Variants in EIF4G3 observed in about 807,000 individuals in gnomAD.
The protein encoded by EIF4G3 is eIF-4-gamma 3.
In EIF4G3, 34 loss-of-function variants were observed where a neutral mutation model predicts 186.4. The observed-to-expected ratio is 0.18, with a 90% CI of 0.14 to 0.24. The LOEUF is 0.24. Ranked by LOEUF, EIF4G3 falls within the 10% of genes least tolerant of loss-of-function variation. The probability of loss-of-function intolerance (pLI) is 1.00; values close to 1 mark genes in which losing one functional copy is unlikely to be tolerated. For synonymous variants in EIF4G3, 673 were observed against 679.5 expected, an observed-to-expected ratio of 0.99 and a Z score of 0.15; for missense variants, 1,536 against 1,948.5, an observed-to-expected ratio of 0.79 and a Z score of 3.99.
chr1:21,018,998 AT>A (rs1269032076), intron 4 of EIF4G3, among the ~76,000 whole-genome samples: 4 of 151,918 alleles, frequency 2.6e-5, no homozygotes, highest in Non-Finnish European at 5.9e-5. Context: ...AAGATGGTAA[AT>A]TTTGTGTATT....
intron 18 of EIF4G3, among the ~76,000 whole-genome samples, chr1:20,891,641 G>T (rs943598143): frequency 6.9e-6 from 1 of 145,086 alleles, no homozygotes; most frequent in Non-Finnish European, 1.5e-5. Context: ...AAAAAAATTA[G>T]CTGGGCGTGG....
chr1:20,882,806 A>T (rs998538874), intron 19 of EIF4G3, among the ~76,000 whole-genome samples: 5 of 151,756 alleles, frequency 3.3e-5, no homozygotes, highest in Non-Finnish European at 5.9e-5. Context: ...CAAAAAAAAA[A>T]AGCCTGGGCA....
Position 21,002,868 on chromosome 1 carries a change from G to A in EIF4G3, c.-66-60C>T, listed in dbSNP as rs2083896296. ...GAAAAAATATGGCATGGCAATTCTAGTTCAAGATGTTTTATAAAAGTTTAC... is the reference window on the plus strand; with the variant it reads ...GAAAAAATATGGCATGGCAATTCTAATTCAAGATGTTTTATAAAAGTTTAC... On this transcript the variant is annotated intron_variant, in intron 4 of 36. Transcript: ENST00000602326. 6.4e-6 allele frequency: 6 copies of A among 941,886 alleles called. No individual in the cohort carries two copies. The Admixed American group carries it at 1.3e-4, about 21-fold the overall frequency. The allele number at this position is 941,886 out of a possible 1,614,324, so 58.3% of individuals were successfully genotyped here.
chr1:21,131,239 CAAAA>C (rs33913086), intron 2 of EIF4G3, among the ~76,000 whole-genome samples: 1 of 114,134 alleles, frequency 8.8e-6, no homozygotes. Context: ...GATTCTGCCT[CAAAA>C]AAAAAAAAAA....
intron 12 of EIF4G3, among the ~76,000 whole-genome samples, chr1:20,951,793 G>T (rs1197558308): frequency 3.3e-5 from 5 of 151,958 alleles, no homozygotes; most frequent in Non-Finnish European, 7.4e-5. Context: ...TCACAAAAAT[G>T]ACATTCAAAG....
intron 15 of EIF4G3, among the ~76,000 whole-genome samples, chr1:20,900,532 GAGAGA>G (rs2089950525): frequency 6.7e-6 from 1 of 149,992 alleles, no homozygotes; most frequent in South Asian, 2.1e-4. Flanking sequence ...AAAAGAGAGA[GAGAGA>G]AAAAAAAAAG....
At chr1:21,122,921 G>C (rs1461948722) in intron 2 of EIF4G3, among the ~76,000 whole-genome samples, 2 of 152,076 alleles carry the variant, frequency 1.3e-5, no homozygotes, top group Admixed American at 6.6e-5. Context: ...CTAGAGAAAA[G>C]TTAAAATAAT....
At chr1:21,021,436 C>T (rs1412701527) in intron 4 of EIF4G3, among the ~76,000 whole-genome samples, 3 of 152,180 alleles carry the variant, frequency 2.0e-5, no homozygotes, top group Non-Finnish European at 2.9e-5. Context: ...AGACAATGAG[C>T]AGATTATGAT....
intron 34 of EIF4G3, among the ~76,000 whole-genome samples, chr1:20,814,756 TCCCCCTCCCCCTCCCCCTC>T (rs2060038091): frequency 2.1e-4 from 5 of 23,682 alleles, no homozygotes; most frequent in African/African-American, 8.9e-4. Flanking sequence ...CATCTCCCCC[TCCCCCTCCCCCTCCCCCTC>T]CCCCTCCCCC....
At chr1:20,970,373 G>C (rs573763977) in intron 11 of EIF4G3, among the ~76,000 whole-genome samples, 1 of 152,160 alleles carries the variant, frequency 6.6e-6, no homozygotes, top group African/African-American at 2.4e-5. Context: ...CAGCACTTTG[G>C]GAGGCTGAGG....
intron 2 of EIF4G3, among the ~76,000 whole-genome samples, chr1:21,096,312 C>T (rs1189150804): frequency 6.6e-6 from 1 of 152,152 alleles, no homozygotes; most frequent in African/African-American, 2.4e-5. Context: ...CATGTTCTCA[C>T]TTACTGTTGA....
intron 2 of EIF4G3, among the ~76,000 whole-genome samples, chr1:21,102,840 A>G (rs1167780526): frequency 6.6e-6 from 1 of 152,234 alleles, no homozygotes; most frequent in African/African-American, 2.4e-5. Flanking sequence ...GTAATAACTT[A>G]AAAATTAAAA....
At chr1:21,171,506 C>T (rs2097968573) in intron 2 of EIF4G3, among the ~76,000 whole-genome samples, 1 of 152,090 alleles carries the variant, frequency 6.6e-6, no homozygotes, top group African/African-American at 2.4e-5. Context: ...ATTAACAAGC[C>T]AAAAACCAGA....
chr1:20,872,936 C>CATGTTG (rs538477203), intron 20 of EIF4G3, among the ~76,000 whole-genome samples: 99 of 152,158 alleles, frequency 6.5e-4, no homozygotes, highest in Middle Eastern at 3.4e-3. Context: ...GGGGTTTCAC[C>CATGTTG]ATGTTGGCCA....
At chr1:20,824,477 G>A (rs1410889637) in intron 33 of EIF4G3, among the ~76,000 whole-genome samples, 1 of 152,084 alleles carries the variant, frequency 6.6e-6, no homozygotes, top group African/African-American at 2.4e-5. Flanking sequence ...CGTTTTGAGA[G>A]AGTTTTGTTT....
chr1:20,844,666 A>G (rs995567869), intron 29 of EIF4G3, among the ~76,000 whole-genome samples: 2 of 152,098 alleles, frequency 1.3e-5, no homozygotes, highest in Non-Finnish European at 2.9e-5. Context: ...CCCCGTCTCT[A>G]CTAAAAATAC....
At chr1:20,966,857 A>G (rs34466283) in intron 12 of EIF4G3, among the ~76,000 whole-genome samples, 3,117 of 152,234 alleles carry the variant, frequency 0.02, 61 homozygotes, top group Non-Finnish European at 0.026. Context: ...AAAATGAAAT[A>G]TCTCTAGTAC....
intron 2 of EIF4G3, among the ~76,000 whole-genome samples, chr1:21,104,910 G>A (rs2096588058): frequency 6.6e-6 from 1 of 152,082 alleles, no homozygotes; most frequent in Non-Finnish European, 1.5e-5. Flanking sequence ...GTCCTTTGCA[G>A]CAACATGGAT....
intron 14 of EIF4G3, among the ~76,000 whole-genome samples, chr1:20,917,777 T>C (rs765408369): frequency 1.9e-4 from 29 of 152,214 alleles, no homozygotes; most frequent in Non-Finnish European, 3.4e-4. Context: ...TATACCTCAA[T>C]AGAAATACTG....
Sources: gnomAD v4.1 joint callset for allele counts (sites outside exome capture counted in the v4.1 genomes callset) on GRCh38, gnomAD v4.1.1 for gene constraint, MANE v1.5 for transcripts, NCBI Gene and HGNC (gene_info 2026-07-23, HGNC 2026-07-21) for gene names.